CTNNA2: variants seen among roughly 807,000 people sequenced by gnomAD.
CTNNA2 encodes catenin alpha 2.
CTNNA2 carries 42 observed loss-of-function variants against 101.0 expected under a neutral mutation model. The ratio of observed to expected loss-of-function variants is 0.42; its 90% CI spans 0.32 to 0.54. CTNNA2 has a LOEUF of 0.54. CTNNA2 is among the 20% of genes least tolerant of loss of function. The pLI is 0.14. For missense variants in CTNNA2, 871 were observed against 1,223.1 expected, an observed-to-expected ratio of 0.71 and a Z score of 4.29; for synonymous variants, 450 against 456.4, an observed-to-expected ratio of 0.99 and a Z score of 0.18.
chr2:79,874,623 A>G (rs1682863452), intron 6 of CTNNA2, among the ~76,000 whole-genome samples: 1 of 152,132 alleles, frequency 6.6e-6, no homozygotes, highest in African/African-American at 2.4e-5. Context: ...GAGTTCGAAC[A>G]TGGAGAAACC....
intron 7 of CTNNA2, among the ~76,000 whole-genome samples, chr2:80,009,871 G>T (rs894696972): frequency 2.6e-5 from 4 of 152,042 alleles, no homozygotes; most frequent in Non-Finnish European, 5.9e-5. Flanking sequence ...TTTTATAAAA[G>T]AGATTATTTA....
rs534218636 is a variant in CTNNA2 at position 80,374,122 on chromosome 2, T to C, written c.1057-19089T>C. ...GGGCAACAGGTACAGGTTTGTTATA[T>C]TGATGGACTGTATGATGCTGAAGTT... On this transcript the variant is annotated intron_variant, in intron 7 of 18. Coordinates refer to ENST00000402739, the MANE Select transcript of CTNNA2 (RefSeq NM_001282597.3). 1.8e-4 allele frequency among the ~76,000 whole-genome samples: 28 copies of C among 152,274 alleles called. No homozygotes were observed. The South Asian group carries it at 4.8e-3, about 26-fold the overall frequency.
In CTNNA2 at chr2:79,427,860, T is replaced by C. The variant is rs115349548; in HGVS notation, c.-135+53847T>C. ...CTGTGTCTTCAAAAATGAAATCCTT[T>C]TTAAATTCCTAAAGGAACAGATAAT... On this transcript the variant is annotated intron_variant, in intron 4 of 21. Coordinates refer to the CTNNA2 transcript ENST00000466387. Among the ~76,000 whole-genome samples the C allele has an allele frequency of 3.1e-3, 468 of 152,210 alleles. 1 individual carries two copies. Among genetic ancestry groups the C allele is most frequent in the Admixed American group, 9.7e-3 (148 of 15,250 alleles).
chr2:79,982,525 A>G (rs1019051423), intron 7 of CTNNA2, among the ~76,000 whole-genome samples: 3 of 151,028 alleles, frequency 2.0e-5, no homozygotes, highest in Non-Finnish European at 4.4e-5. Flanking sequence ...ACACATATAT[A>G]TATTTTGTAG....
intron 7 of CTNNA2, among the ~76,000 whole-genome samples, chr2:80,091,418 T>A (rs2148820825): frequency 6.6e-6 from 1 of 152,204 alleles, no homozygotes; most frequent in African/African-American, 2.4e-5. Context: ...AATGAGCTGA[T>A]ATGATGGTTT....
At position 80,537,669 on chromosome 2, in the gene CTNNA2, C is replaced by A. The variant is rs1019129625; in HGVS notation, c.1291-7313C>A. 3.0e-4 allele frequency among the ~76,000 whole-genome samples: 46 copies of A among 151,946 alleles called. 1 individual carries two copies. Among genetic ancestry groups the A allele is most frequent in the African/African-American group, 9.7e-4 (40 of 41,428 alleles). On this transcript the variant is annotated intron_variant, in intron 9 of 18. Transcript: ENST00000402739. ...AGTGCAATGGCATGATCTCAGCTCACTGCAACCTCTGCCTGCTGGTTTCAA... is the reference window on the plus strand; with the variant it reads ...AGTGCAATGGCATGATCTCAGCTCAATGCAACCTCTGCCTGCTGGTTTCAA...
chr2:80,244,438 C>T (rs1395947122), intron 7 of CTNNA2, among the ~76,000 whole-genome samples: 2 of 152,292 alleles, frequency 1.3e-5, no homozygotes, highest in South Asian at 4.1e-4. Flanking sequence ...TCACTACCTC[C>T]TGGGGAAGCC....
At chr2:80,387,392 C>A (rs1484932458) in intron 7 of CTNNA2, among the ~76,000 whole-genome samples, 1 of 152,000 alleles carries the variant, frequency 6.6e-6, no homozygotes, top group East Asian at 1.9e-4. Flanking sequence ...TATTATTCAG[C>A]ATGTTTATAT....
At chr2:79,742,843 A>C (rs1051070792) in intron 2 of CTNNA2, among the ~76,000 whole-genome samples, 1 of 152,224 alleles carries the variant, frequency 6.6e-6, no homozygotes, top group African/African-American at 2.4e-5. Flanking sequence ...TTTAGCAATC[A>C]AAAGAGAGCC....
upstream of CTNNA2, among the ~76,000 whole-genome samples, chr2:79,509,887 T>C (rs1002919419): frequency 6.6e-6 from 1 of 152,176 alleles, no homozygotes; most frequent in Non-Finnish European, 1.5e-5. Context: ...TCTCACTCAA[T>C]TTTTCTGTGA....
chr2:79,573,003 A>G (rs1353588730), intron 1 of CTNNA2, among the ~76,000 whole-genome samples: 1 of 152,158 alleles, frequency 6.6e-6, no homozygotes, highest in African/African-American at 2.4e-5. Context: ...AATATGAAAA[A>G]TTCAAATTAC....
intron 4 of CTNNA2, among the ~76,000 whole-genome samples, chr2:79,409,814 T>A (rs1003022038): frequency 4.3e-5 from 6 of 138,090 alleles, no homozygotes; most frequent in Non-Finnish European, 8.0e-5. Context: ...AACTTTAAAG[T>A]AGTTTTTTTC....
At chr2:80,530,365 G>A (rs1690432846) in intron 9 of CTNNA2, among the ~76,000 whole-genome samples, 2 of 152,176 alleles carry the variant, frequency 1.3e-5, no homozygotes, top group African/African-American at 4.8e-5. Flanking sequence ...GAGTTGTAGG[G>A]CACTCAACAA....
chr2:79,890,757 C>T (rs1276204812), intron 6 of CTNNA2, among the ~76,000 whole-genome samples: 1 of 149,200 alleles, frequency 6.7e-6, no homozygotes, highest in Non-Finnish European at 1.5e-5. Context: ...ATACCTTAGA[C>T]TGAGTCATTT....
At chr2:80,137,250 C>T (rs996307470) in intron 7 of CTNNA2, among the ~76,000 whole-genome samples, 1 of 152,136 alleles carries the variant, frequency 6.6e-6, no homozygotes, top group Non-Finnish European at 1.5e-5. Flanking sequence ...TCACTCTACA[C>T]TGAGCCTAAT....
At chr2:79,644,542 T>C (rs79066554) in intron 1 of CTNNA2, among the ~76,000 whole-genome samples, 1,747 of 152,284 alleles carry the variant, frequency 0.011, 49 homozygotes, top group African/African-American at 0.039. Context: ...TTGCATTACA[T>C]CTCACAGGTT....
At chr2:79,725,819 C>T (rs368657372) in intron 2 of CTNNA2, among the ~76,000 whole-genome samples, 8 of 152,174 alleles carry the variant, frequency 5.3e-5, no homozygotes, top group African/African-American at 1.9e-4. Flanking sequence ...CCCTCTTTCT[C>T]CTGCTGCCTG....
At chr2:79,630,687 C>A (rs577798080) in intron 1 of CTNNA2, among the ~76,000 whole-genome samples, 1 of 152,082 alleles carries the variant, frequency 6.6e-6, no homozygotes, top group Non-Finnish European at 1.5e-5. Flanking sequence ...TGTGTAATTC[C>A]AAGTCTTGCT....
At chr2:79,243,958 T>C (rs1473800666) in intron 2 of CTNNA2, among the ~76,000 whole-genome samples, 2 of 152,152 alleles carry the variant, frequency 1.3e-5, no homozygotes, top group African/African-American at 4.8e-5. Context: ...CTTTCCTTTC[T>C]GTTATTTTTC....
Sources: gnomAD v4.1 joint callset for allele counts (sites outside exome capture counted in the v4.1 genomes callset) on GRCh38, gnomAD v4.1.1 for gene constraint, MANE v1.5 for transcripts, NCBI Gene and HGNC (gene_info 2026-07-23, HGNC 2026-07-21) for gene names.